The following TNS3 variants were observed in gnomAD, a reference collection of about 807,000 sequenced individuals.
The protein encoded by TNS3 is tensin 3.
Under a neutral mutation model 140.9 loss-of-function variants are expected in TNS3, and 45 were observed. The ratio of observed to expected loss-of-function variants is 0.32; its 90% CI spans 0.25 to 0.41. The LOEUF is 0.41. Ranked by LOEUF, TNS3 falls within the 10% of genes least tolerant of loss-of-function variation. The pLI is 1.00. For synonymous variants in TNS3, 815 were observed against 788.4 expected (o/e 1.03, Z -0.56); for missense variants, 1,716 against 1,906.7 (o/e 0.90, Z 1.86).
At chr7:47,437,945 G>A (rs948672918) in intron 6 of TNS3, among the ~76,000 whole-genome samples, 2 of 151,260 alleles carry the variant, frequency 1.3e-5, no homozygotes, top group African/African-American at 4.8e-5. Context: ...GGAAAGGGCT[G>A]AGTTCATGCC....
At chr7:47,484,486 C>A (rs1337675742) in intron 3 of TNS3, among the ~76,000 whole-genome samples, 1 of 152,192 alleles carries the variant, frequency 6.6e-6, no homozygotes, top group African/African-American at 2.4e-5. Context: ...GACAGAACCA[C>A]AGGATGAGGC....
chr7:47,542,541 C>T (rs1470160544), intron 1 of TNS3, among the ~76,000 whole-genome samples: 1 of 152,308 alleles, frequency 6.6e-6, no homozygotes, highest in South Asian at 2.1e-4. Context: ...ACTACATGCC[C>T]GTCGACACGA....
chr7:47,508,171 G>T (rs1798486903), intron 2 of TNS3, among the ~76,000 whole-genome samples: 4 of 152,144 alleles, frequency 2.6e-5, no homozygotes, highest in Admixed American at 2.6e-4. Flanking sequence ...AAGTCAAAAA[G>T]GTTTGTGTAG....
At chr7:47,417,056 C>T (rs560891627) in intron 10 of TNS3, among the ~76,000 whole-genome samples, 2 of 152,306 alleles carry the variant, frequency 1.3e-5, no homozygotes, top group African/African-American at 4.8e-5. Context: ...GTTCTCAGTG[C>T]CCCATGTGCA....
chr7:47,448,114 G>C (rs1795840230), intron 4 of TNS3, among the ~76,000 whole-genome samples: 1 of 152,250 alleles, frequency 6.6e-6, no homozygotes, highest in Non-Finnish European at 1.5e-5. Flanking sequence ...TTCCAGAGCA[G>C]CCATCCCTGG....
chr7:47,381,040 T>C (rs1584523586), intron 16 of TNS3, among the ~76,000 whole-genome samples: 1 of 152,162 alleles, frequency 6.6e-6, no homozygotes, highest in South Asian at 2.1e-4. Flanking sequence ...TGGGGTTTGG[T>C]GCACTCAGGT....
At chr7:47,291,087 T>C (rs796895192) in intron 27 of TNS3, among the ~76,000 whole-genome samples, 20 of 152,296 alleles carry the variant, frequency 1.3e-4, no homozygotes, top group African/African-American at 3.8e-4. Flanking sequence ...CAAAAGGCTA[T>C]GAACTGTATG....
At chr7:47,328,861 A>T (rs558459952) in intron 20 of TNS3, among the ~76,000 whole-genome samples, 2 of 152,300 alleles carry the variant, frequency 1.3e-5, no homozygotes, top group African/African-American at 4.8e-5. Context: ...CTGATTCTGG[A>T]TCCCTCAGCC....
intron 13 of TNS3, among the ~76,000 whole-genome samples, chr7:47,408,001 G>A (rs79593345): frequency 2.2e-4 from 33 of 152,194 alleles, no homozygotes; most frequent in African/African-American, 6.0e-4. Context: ...ACAGAATGGC[G>A]GGATCAGCTG....
At chr7:47,281,738 A>C (rs1386855535) in intron 28 of TNS3, among the ~76,000 whole-genome samples, 1 of 152,212 alleles carries the variant, frequency 6.6e-6, no homozygotes, top group African/African-American at 2.4e-5. Context: ...CACAGAAAAA[A>C]GACAACTCTG....
At chr7:47,438,526 A>C (rs76552224) in intron 6 of TNS3, among the ~76,000 whole-genome samples, 2 of 152,224 alleles carry the variant, frequency 1.3e-5, no homozygotes, top group East Asian at 3.9e-4. Context: ...ACCACCATCA[A>C]ATGGGGCTTG....
chr7:47,416,953 T>A (rs1471478447), intron 10 of TNS3, among the ~76,000 whole-genome samples: 1 of 152,152 alleles, frequency 6.6e-6, no homozygotes, highest in African/African-American at 2.4e-5. Flanking sequence ...CTTCCTCAGC[T>A]CGTCCAGTTT....
chr7:47,389,119 A>G (rs879488307), intron 16 of TNS3, among the ~76,000 whole-genome samples: 32,678 of 48,502 alleles, frequency 0.67, 12,175 homozygotes, highest in South Asian at 0.79. Context: ...CAGAAGAAGA[A>G]GAAGAAGAAG....
intron 27 of TNS3, among the ~76,000 whole-genome samples, chr7:47,287,213 A>G (rs1282286740): frequency 6.6e-6 from 1 of 152,222 alleles, no homozygotes; most frequent in Non-Finnish European, 1.5e-5. Flanking sequence ...TTTCAGGATT[A>G]TATTATATTC....
At chr7:47,459,134 T>A (rs757161317) in intron 4 of TNS3, among the ~76,000 whole-genome samples, 1 of 152,248 alleles carries the variant, frequency 6.6e-6, no homozygotes, top group Non-Finnish European at 1.5e-5. Context: ...TTTAACAGCA[T>A]GTTTTTTGGT....
chr7:47,286,867 T>C (rs1452687955), intron 27 of TNS3, among the ~76,000 whole-genome samples: 1 of 152,082 alleles, frequency 6.6e-6, no homozygotes, highest in East Asian at 1.9e-4. Context: ...CTTATTATGC[T>C]AAGAGAAGAG....
intron 24 of TNS3, among the ~76,000 whole-genome samples, chr7:47,294,186 T>C (rs2150631005): frequency 6.6e-6 from 1 of 151,832 alleles, no homozygotes; most frequent in African/African-American, 2.4e-5. Context: ...CTGAATCCTC[T>C]CCCAAAGAGG....
At chr7:47,476,047 G>A (rs935638280) in intron 4 of TNS3, among the ~76,000 whole-genome samples, 7 of 152,186 alleles carry the variant, frequency 4.6e-5, no homozygotes, top group Non-Finnish European at 7.3e-5. Flanking sequence ...CAGAAGAACC[G>A]CACTGCCAAC....
At chr7:47,463,746 G>A (rs1280350320) in intron 4 of TNS3, among the ~76,000 whole-genome samples, 1 of 152,106 alleles carries the variant, frequency 6.6e-6, no homozygotes, top group Non-Finnish European at 1.5e-5. Flanking sequence ...GGAACATGCA[G>A]GTGGGCAACC....
Sources: gnomAD v4.1 joint callset for allele counts (sites outside exome capture counted in the v4.1 genomes callset) on GRCh38, gnomAD v4.1.1 for gene constraint, MANE v1.5 for transcripts, NCBI Gene and HGNC (gene_info 2026-07-23, HGNC 2026-07-21) for gene names.